Variants in PIEZO2 observed in about 807,000 individuals in gnomAD.
PIEZO2 encodes piezo type mechanosensitive ion channel component 2.
A neutral mutation model predicts 337.3 loss-of-function variants in PIEZO2; 172 were observed. That is an observed-to-expected ratio of 0.51 (90% confidence interval 0.45 to 0.58). The LOEUF is 0.58. Ranked by LOEUF, PIEZO2 falls within the 20% of genes least tolerant of loss-of-function variation. The probability of loss-of-function intolerance (pLI) is 0.00; values close to 1 mark genes in which losing one functional copy is unlikely to be tolerated. For missense variants in PIEZO2, 3,028 were observed against 3,391.3 expected, an observed-to-expected ratio of 0.89 and a Z score of 2.66; for synonymous variants, 1,251 against 1,228.5, an observed-to-expected ratio of 1.02 and a Z score of -0.38.
chr18:10,842,148 C>CAA (rs34809564), intron 7 of PIEZO2, among the ~76,000 whole-genome samples: 18 of 70,320 alleles, frequency 2.6e-4, no homozygotes, highest in East Asian at 1.5e-3. Flanking sequence ...GACTCCGTCT[C>CAA]AAAAAAAAAA....
chr18:10,774,263 A>T (rs116270884), intron 18 of PIEZO2, among the ~76,000 whole-genome samples: 9 of 152,334 alleles, frequency 5.9e-5, no homozygotes, highest in African/African-American at 1.9e-4. Context: ...ACAGGATTGC[A>T]GGTTTGTAAA....
chr18:10,757,826 C>T, intron 27 of PIEZO2, 143 bp downstream of exon 27: 1 of 955,928 alleles, frequency 1.0e-6, no homozygotes, highest in Non-Finnish European at 1.5e-6. Context: ...GGCTGCTGAA[C>T]CACATTGTCC....
chr18:11,136,960 G>A (rs988861075), intron 1 of PIEZO2, among the ~76,000 whole-genome samples: 3 of 152,164 alleles, frequency 2.0e-5, no homozygotes, highest in African/African-American at 7.2e-5. Context: ...TAACTATAAT[G>A]TAGCTTGGTT....
chr18:10,729,978 T>TTA (rs1427104564), intron 36 of PIEZO2, among the ~76,000 whole-genome samples: 1 of 152,218 alleles, frequency 6.6e-6, no homozygotes, highest in African/African-American at 2.4e-5. Flanking sequence ...AGTAACATAA[T>TTA]GTATTTAACT....
intron 2 of PIEZO2, among the ~76,000 whole-genome samples, chr18:10,995,077 CAA>C (rs767666232): frequency 1.1e-4 from 3 of 28,302 alleles, no homozygotes. Flanking sequence ...GACTCCGTCT[CAA>C]AAAAAAAAAA....
intron 1 of PIEZO2, among the ~76,000 whole-genome samples, chr18:11,123,742 G>A (rs951076953): frequency 1.4e-4 from 21 of 152,118 alleles, no homozygotes; most frequent in South Asian, 4.2e-4. Context: ...CCCGGGAGGC[G>A]GAGCTTGCAG....
intron 21 of PIEZO2, chr18:10,763,369 G>A (rs915341572): frequency 5.0e-6 from 2 of 401,278 alleles, no homozygotes; most frequent in African/African-American, 4.1e-5. Flanking sequence ...AATGTGGGCA[G>A]GCTCCTGTGA....
At position 10,726,709 on chromosome 18, in the gene PIEZO2, G is replaced by C; in HGVS notation, c.5029+4698C>G. The C allele has an allele frequency of 3.5e-6, 5 of 1,426,474 alleles. No homozygotes were observed. Among genetic ancestry groups the C allele is most frequent in the Non-Finnish European group, 4.9e-6 (5 of 1,018,608 alleles). 88.4% of individuals were successfully genotyped at this position (1,426,474 alleles called of 1,614,324 possible). A position where few individuals can be genotyped will look rare whatever the true frequency, so the allele number is the denominator to read the frequency against. On this transcript the variant is annotated intron_variant, in intron 36 of 55. Coordinates refer to ENST00000674853, the MANE Select transcript of PIEZO2 (RefSeq NM_001378183.1). This position sits in a 1 kb window ranked among gnomAD's most constrained non-coding sequence, Gnocchi z 5.9. The stretch of plus-strand genomic sequence containing the variant: ...CAGCAAGGACCAGGTGTACCTGAAC[G>C]GCATCCTGTGCATTCTGGGACATCG...
intron 32 of PIEZO2, among the ~76,000 whole-genome samples, chr18:10,741,702 T>C (rs1399779744): frequency 6.6e-6 from 1 of 152,204 alleles, no homozygotes; most frequent in African/African-American, 2.4e-5. Context: ...ATATATTTCA[T>C]GGTAAGTTTC....
chr18:10,704,203 A>G (rs1011676347), intron 42 of PIEZO2, 191 bp downstream of exon 42: 1 of 740,182 alleles, frequency 1.4e-6, no homozygotes, highest in East Asian at 2.7e-5. Context: ...GATTTTTAGA[A>G]TTGCGAGTGC....
At chr18:10,753,219 C>T (rs928467363) in intron 27 of PIEZO2, among the ~76,000 whole-genome samples, 4 of 152,156 alleles carry the variant, frequency 2.6e-5, no homozygotes, top group African/African-American at 7.2e-5. Context: ...TTCTAAGATA[C>T]GGATGCCTTC....
chr18:10,923,110 C>G (rs1215805141), intron 3 of PIEZO2, among the ~76,000 whole-genome samples: 1 of 152,072 alleles, frequency 6.6e-6, no homozygotes, highest in Non-Finnish European at 1.5e-5. Flanking sequence ...GATTTCAAAG[C>G]TAGATGAATA....
At chr18:11,034,417 T>A (rs1158898564) in intron 2 of PIEZO2, among the ~76,000 whole-genome samples, 18 of 151,836 alleles carry the variant, frequency 1.2e-4, no homozygotes, top group Non-Finnish European at 2.5e-4. Context: ...CTTAGCCTCC[T>A]GAGTAGCTGG....
At position 10,954,771 on chromosome 18, in the gene PIEZO2, C is replaced by T. The variant is rs578003242; in HGVS notation, c.286+24764G>A. Among the ~76,000 whole-genome samples, 15 of 152,282 alleles carry T rather than the reference C, an allele frequency of 9.9e-5. No individual in the cohort carries two copies. The highest frequency in any genetic ancestry group is 1.5e-4 in the Non-Finnish European group (10 of 68,022). On this transcript the variant is annotated intron_variant, in intron 3 of 55. Coordinates refer to ENST00000674853, the MANE Select transcript of PIEZO2 (RefSeq NM_001378183.1). The surrounding 1 kb of genome is among the most constrained non-coding windows in gnomAD (Gnocchi z 4.2). ...GGGAGACCAGGAGGACCTGAAGCAA[C>T]GCATGAGAAGCATCTGACGCTAAAG...
Position 10,824,168 on chromosome 18 carries a change from A to T in PIEZO2, c.918-16894T>A, listed in dbSNP as rs886482856. The stretch of plus-strand genomic sequence containing the variant: ...CATTTTAACTTCTGGGTAGTATTTC[A>T]TTGCATAAATAAACCACAGACTACT... On this transcript the variant is annotated intron_variant, in intron 7 of 55. Transcript: ENST00000674853. The surrounding 1 kb of genome is among the most constrained non-coding windows in gnomAD (Gnocchi z 4.4). 3.9e-5 allele frequency among the ~76,000 whole-genome samples: 6 copies of T among 152,226 alleles called. No homozygotes were observed. Among genetic ancestry groups the T allele is most frequent in the African/African-American group, 1.4e-4 (6 of 41,462 alleles).
At chr18:11,000,771 T>G (rs545141712) in intron 2 of PIEZO2, among the ~76,000 whole-genome samples, 1 of 152,332 alleles carries the variant, frequency 6.6e-6, no homozygotes, top group East Asian at 1.9e-4. Context: ...AGGATGTTTT[T>G]GGGGTGGCTC....
At chr18:10,700,136 A>AT (rs2035271624) in intron 43 of PIEZO2, among the ~76,000 whole-genome samples, 1 of 152,198 alleles carries the variant, frequency 6.6e-6, no homozygotes, top group South Asian at 2.1e-4. Flanking sequence ...CTTTCCTATT[A>AT]TTTTAAGAGT....
chr18:10,791,507 C>T (rs1017455463), intron 13 of PIEZO2, 183 bp from the exon 14 acceptor site: 20 of 538,832 alleles, frequency 3.7e-5, no homozygotes, highest in Admixed American at 1.4e-4. Flanking sequence ...GTCCCTTTTC[C>T]GAGGATGCTC....
chr18:10,744,520 G>A (rs564729927), intron 30 of PIEZO2, among the ~76,000 whole-genome samples: 1 of 152,240 alleles, frequency 6.6e-6, no homozygotes, highest in South Asian at 2.1e-4. Context: ...ACACCCACGA[G>A]CCTCTTCAAA....
Sources: allele counts gnomAD v4.1 joint callset (sites outside exome capture counted in the v4.1 genomes callset), GRCh38; gene constraint gnomAD v4.1.1; non-coding constraint Gnocchi (gnomAD v3.1); transcripts MANE v1.5; gene names NCBI Gene and HGNC (gene_info 2026-07-23, HGNC 2026-07-21).